Variants in SLC35F4 observed in about 807,000 individuals in gnomAD.
The protein encoded by SLC35F4 is solute carrier family 35 member F4, also known as chromosome 14 open reading frame 36.
In SLC35F4, 24 loss-of-function variants were observed where a neutral mutation model predicts 44.2. The ratio of observed to expected loss-of-function variants is 0.54; its 90% CI spans 0.39 to 0.76. SLC35F4 has a LOEUF of 0.76. Ranked by LOEUF, SLC35F4 falls within the 30% of genes least tolerant of loss-of-function variation. The probability of loss-of-function intolerance (pLI) is 0.00; values close to 1 mark genes in which losing one functional copy is unlikely to be tolerated. For missense variants in SLC35F4, 562 were observed against 586.1 expected (o/e 0.96, Z 0.42); for synonymous variants, 238 against 223.6 (o/e 1.06, Z -0.57).
chr14:57,637,448 C>T (rs775381913), intron 1 of SLC35F4, among the ~76,000 whole-genome samples: 20 of 152,134 alleles, frequency 1.3e-4, no homozygotes, highest in Non-Finnish European at 2.2e-4. Context: ...TGCTGAAGCG[C>T]CCAGCTCCCT....
intron 1 of SLC35F4, among the ~76,000 whole-genome samples, chr14:57,711,122 T>A (rs2075808279): frequency 6.6e-6 from 1 of 152,124 alleles, no homozygotes; most frequent in African/African-American, 2.4e-5. Flanking sequence ...GGGTAGTGAT[T>A]GGATCATGGG....
chr14:57,736,767 C>T (rs1244715481), intron 1 of SLC35F4, among the ~76,000 whole-genome samples: 3 of 152,086 alleles, frequency 2.0e-5, no homozygotes, highest in African/African-American at 4.8e-5. Flanking sequence ...TAGATGTCTC[C>T]GATAATGATT....
chr14:57,638,151 G>C (rs143066824), intron 1 of SLC35F4, among the ~76,000 whole-genome samples: 1 of 152,220 alleles, frequency 6.6e-6, no homozygotes, highest in East Asian at 1.9e-4. Flanking sequence ...AACAATTGCA[G>C]CTCATCCACT....
intron 1 of SLC35F4, among the ~76,000 whole-genome samples, chr14:57,721,306 T>G (rs190306079): frequency 2.7e-4 from 41 of 152,186 alleles, no homozygotes; most frequent in Middle Eastern, 3.4e-3. Context: ...GATTTATCGC[T>G]CATGAGAGGC....
chr14:57,672,329 T>C (rs960174478), intron 1 of SLC35F4, among the ~76,000 whole-genome samples: 5 of 152,064 alleles, frequency 3.3e-5, no homozygotes, highest in African/African-American at 9.7e-5. Flanking sequence ...TAACCCAGCA[T>C]TGACACCCAG....
At chr14:57,955,417 C>T (rs898060179) in intron 1 of SLC35F4, among the ~76,000 whole-genome samples, 74 of 151,978 alleles carry the variant, frequency 4.9e-4, no homozygotes, top group African/African-American at 1.8e-3. Flanking sequence ...ACTCTACTCA[C>T]ATAGTATTGG....
chr14:57,956,986 C>A (rs980319277), intron 1 of SLC35F4, among the ~76,000 whole-genome samples: 7 of 152,270 alleles, frequency 4.6e-5, no homozygotes, highest in African/African-American at 1.7e-4. Context: ...AAGACACATG[C>A]ACATGTATGA....
rs187540647 is a variant in SLC35F4, at chr14:57,889,734, T to C, written n.282+92179A>G. On this transcript the variant is annotated intron_variant and non_coding_transcript_variant, in intron 1 of 1. Coordinates refer to the SLC35F4 transcript ENST00000556568. ...CCTAGTACACATTGTGTCATAAGTT[T>C]TTAAATATCTTTTATTAAAATGAAT... 4.6e-5 allele frequency among the ~76,000 whole-genome samples: 7 copies of C among 152,356 alleles called. No individual in the cohort carries two copies. In the East Asian group the frequency reaches 1.3e-3, roughly 29 times the overall value.
chr14:57,725,689 A>G (rs958267749), intron 1 of SLC35F4, among the ~76,000 whole-genome samples: 6 of 152,170 alleles, frequency 3.9e-5, no homozygotes, highest in Non-Finnish European at 1.5e-5. Context: ...CAGTGGAATG[A>G]TCTTTTGAAG....
At chr14:57,622,917 A>G (rs956798284) in intron 1 of SLC35F4, among the ~76,000 whole-genome samples, 4 of 152,188 alleles carry the variant, frequency 2.6e-5, no homozygotes, top group Non-Finnish European at 4.4e-5. Flanking sequence ...AACAGGCAAA[A>G]TAACTAGCTA....
chr14:57,617,247 C>A (rs2071892135), intron 1 of SLC35F4, among the ~76,000 whole-genome samples: 1 of 150,324 alleles, frequency 6.7e-6, no homozygotes, highest in Non-Finnish European at 1.5e-5. Context: ...TCTCCTGCCT[C>A]AGCCTCCCGA....
intron 1 of SLC35F4, among the ~76,000 whole-genome samples, chr14:57,873,165 T>C (rs1888329630): frequency 6.6e-6 from 1 of 152,194 alleles, no homozygotes; most frequent in Non-Finnish European, 1.5e-5. Flanking sequence ...TCCATAAATG[T>C]ATAACAGAAC....
At chr14:57,895,637 A>G (rs1258666850) in intron 1 of SLC35F4, among the ~76,000 whole-genome samples, 2 of 151,476 alleles carry the variant, frequency 1.3e-5, no homozygotes, top group Non-Finnish European at 2.9e-5. Flanking sequence ...CTGCTCTGCC[A>G]TGGCAATACA....
intron 1 of SLC35F4, among the ~76,000 whole-genome samples, chr14:57,906,418 T>A (rs1355043874): frequency 3.3e-5 from 5 of 152,246 alleles, no homozygotes; most frequent in African/African-American, 1.2e-4. Context: ...CATTCTTTTT[T>A]AAGTTTTTTG....
In SLC35F4 at chr14:57,764,349, T is replaced by G. The variant is rs555068248; in HGVS notation, c.103+101374A>C. Among the ~76,000 whole-genome samples, 3 of 152,316 alleles carry G rather than the reference T, an allele frequency of 2.0e-5. No homozygotes were observed. The South Asian group carries it at 6.2e-4, about 32-fold the overall frequency. On this transcript the variant is annotated intron_variant, in intron 1 of 7. Coordinates refer to ENST00000556826, the MANE Select transcript of SLC35F4 (RefSeq NM_001306087.2). ...AGAGCCACTTTGGTTTATCTATCTG[T>G]AAGTTGATCTACCCAAACACTATGC... is the stretch of plus-strand genomic sequence containing the variant.
chr14:57,834,100 T>C (rs912339717), intron 1 of SLC35F4, among the ~76,000 whole-genome samples: 1 of 152,150 alleles, frequency 6.6e-6, no homozygotes, highest in African/African-American at 2.4e-5. Context: ...CCACCTAAGA[T>C]GAGAGCAACC....
intron 1 of SLC35F4, among the ~76,000 whole-genome samples, chr14:57,692,997 A>G (rs1385663121): frequency 6.6e-6 from 1 of 152,186 alleles, no homozygotes; most frequent in Admixed American, 6.6e-5. Context: ...TGAATACTCT[A>G]AACATGACAA....
intron 1 of SLC35F4, among the ~76,000 whole-genome samples, chr14:57,838,703 T>A (rs1885187495): frequency 6.6e-6 from 1 of 152,146 alleles, no homozygotes; most frequent in Admixed American, 6.5e-5. Context: ...AAATAGCCCA[T>A]GATCAAGTAC....
intron 1 of SLC35F4, among the ~76,000 whole-genome samples, chr14:57,749,679 T>C (rs559646784): frequency 2.1e-3 from 316 of 152,320 alleles, no homozygotes; most frequent in African/African-American, 6.8e-3. Flanking sequence ...CCAAGCCCTA[T>C]AGAGCCTCCT....
Sources: allele counts gnomAD v4.1 joint callset (sites outside exome capture counted in the v4.1 genomes callset), GRCh38; gene constraint gnomAD v4.1.1; transcripts MANE v1.5; gene names NCBI Gene and HGNC (gene_info 2026-07-23, HGNC 2026-07-21).